The following CYP20A1 variants were observed in gnomAD, a reference collection of about 807,000 sequenced individuals.
CYP20A1 encodes the protein cytochrome P450 20A1.
Under a neutral mutation model 61.4 loss-of-function variants are expected in CYP20A1, and 61 were observed. The ratio of observed to expected loss-of-function variants is 0.99; its 90% CI spans 0.81 to 1.23. CYP20A1 has a LOEUF of 1.23. CYP20A1 is among the 50% of genes most tolerant of loss of function. The pLI, the probability that CYP20A1 is intolerant of heterozygous loss-of-function variation, is 0.00. For missense variants in CYP20A1, 530 were observed against 542.4 expected (o/e 0.98, Z 0.23); for synonymous variants, 193 against 188.2 (o/e 1.03, Z -0.21).
At chr2:203,270,382 T>C (rs183605122) in intron 5 of CYP20A1, among the ~76,000 whole-genome samples, 1 of 152,298 alleles carries the variant, frequency 6.6e-6, no homozygotes, top group East Asian at 1.9e-4. Flanking sequence ...TATCACCATG[T>C]TGCCCAGACT....
intron 11 of CYP20A1, among the ~76,000 whole-genome samples, chr2:203,294,008 G>A (rs1311430475): frequency 6.6e-6 from 1 of 151,870 alleles, no homozygotes; most frequent in Non-Finnish European, 1.5e-5. Context: ...GACAGAGACA[G>A]GGTCATGCTC....
Position 203,305,742 on chromosome 2 carries a change from G to A in CYP20A1, c.*8834G>A, listed in dbSNP as rs1032240826. ...TATGTCATAAAGTCATAAAGTACCTGTCCCCAAAAAGGCAACCAGTAAATA... is the reference window on the plus strand; with the variant it reads ...TATGTCATAAAGTCATAAAGTACCTATCCCCAAAAAGGCAACCAGTAAATA... On this transcript the variant is annotated 3_prime_UTR_variant, in exon 13 of 13. Transcript: ENST00000356079. 2.0e-5 allele frequency: 3 copies of A among 152,104 alleles called. No homozygotes were observed. Among genetic ancestry groups the A allele is most frequent in the Non-Finnish European group, 4.4e-5 (3 of 68,018 alleles). 9.4% of individuals were successfully genotyped at this position (152,104 alleles called of 1,614,324 possible). A position where few individuals can be genotyped will look rare whatever the true frequency, so the allele number is the denominator to read the frequency against.
At chr2:203,253,976 C>T (rs983836613) in intron 4 of CYP20A1, among the ~76,000 whole-genome samples, 2 of 151,804 alleles carry the variant, frequency 1.3e-5, no homozygotes, top group Admixed American at 1.3e-4. Context: ...GATACAGAGT[C>T]TCACTCTGTC....
At chr2:203,240,108 C>T (rs2066201760) in intron 1 of CYP20A1, among the ~76,000 whole-genome samples, 1 of 152,054 alleles carries the variant, frequency 6.6e-6, no homozygotes. Flanking sequence ...AACAAACAAA[C>T]AAACAAACAA....
chr2:203,273,713 G>T (rs926818124), intron 6 of CYP20A1, among the ~76,000 whole-genome samples: 1 of 152,166 alleles, frequency 6.6e-6, no homozygotes, highest in Non-Finnish European at 1.5e-5. Flanking sequence ...GGAGGCTGAG[G>T]TAGGCAGATT....
chr2:203,293,250 C>G (rs2068622613), intron 11 of CYP20A1, among the ~76,000 whole-genome samples: 2 of 122,402 alleles, frequency 1.6e-5, no homozygotes, highest in Admixed American at 1.0e-4. Context: ...GAGTCTCGCT[C>G]TGTCGCCCAG....
chr2:203,295,038 C>T (rs1372488434), intron 11 of CYP20A1, among the ~76,000 whole-genome samples: 4 of 137,408 alleles, frequency 2.9e-5, no homozygotes, highest in Non-Finnish European at 6.1e-5. Context: ...CTGCAAGCTC[C>T]GCCTCCCGGG....
At chr2:203,277,127 T>G (rs2067852745) in intron 6 of CYP20A1, among the ~76,000 whole-genome samples, 1 of 151,864 alleles carries the variant, frequency 6.6e-6, no homozygotes. Context: ...CATGGGCGGA[T>G]CACAAGGTCA....
intron 10 of CYP20A1, 75 bp downstream of exon 10, chr2:203,289,951 T>G: frequency 1.6e-6 from 1 of 611,606 alleles, no homozygotes; most frequent in Non-Finnish European, 2.6e-6. Flanking sequence ...TATATATATA[T>G]ATATTTTAGA....
chr2:203,268,576 T>C (rs1418711389), intron 5 of CYP20A1, among the ~76,000 whole-genome samples: 7 of 152,062 alleles, frequency 4.6e-5, no homozygotes, highest in African/African-American at 7.2e-5. Context: ...ACAGGACTTA[T>C]TCTTCCTCAA....
intron 11 of CYP20A1, among the ~76,000 whole-genome samples, chr2:203,292,708 C>T (rs1311201847): frequency 2.0e-5 from 3 of 152,132 alleles, no homozygotes; most frequent in Admixed American, 6.5e-5. Context: ...ATCCTCCCAC[C>T]TCTGCCTCCC....
At chr2:203,293,495 C>T (rs1363216027) in intron 11 of CYP20A1, among the ~76,000 whole-genome samples, 1 of 120,802 alleles carries the variant, frequency 8.3e-6, no homozygotes, top group Non-Finnish European at 1.7e-5. Flanking sequence ...ATTACAGCCA[C>T]TGCGCCCGGC....
chr2:203,269,334 A>G (rs1330976828), intron 5 of CYP20A1, among the ~76,000 whole-genome samples: 3 of 140,496 alleles, frequency 2.1e-5, no homozygotes, highest in African/African-American at 7.9e-5. Flanking sequence ...GCACGCCTGT[A>G]GTCCCAGCTA....
chr2:203,258,729 G>T (rs2067015100), intron 4 of CYP20A1, among the ~76,000 whole-genome samples: 1 of 152,120 alleles, frequency 6.6e-6, no homozygotes, highest in African/African-American at 2.4e-5. Context: ...TCAAGGTTCT[G>T]TATTGGTTGT....
At chr2:203,276,837 C>G (rs2067841261) in intron 6 of CYP20A1, among the ~76,000 whole-genome samples, 1 of 152,026 alleles carries the variant, frequency 6.6e-6, no homozygotes, top group African/African-American at 2.4e-5. Context: ...GTGCACGGTA[C>G]ATATATTGCA....
intron 11 of CYP20A1, among the ~76,000 whole-genome samples, chr2:203,293,646 G>A (rs1216343915): frequency 6.6e-6 from 1 of 151,454 alleles, no homozygotes; most frequent in Non-Finnish European, 1.5e-5. Context: ...AGATTTTGGT[G>A]CAACCGTCAC....
At position 203,302,624 on chromosome 2, in the gene CYP20A1, A is replaced by G. The variant is rs2069065394; in HGVS notation, c.*5716A>G. On this transcript the variant is annotated 3_prime_UTR_variant, in exon 13 of 13. Coordinates refer to ENST00000356079, the MANE Select transcript of CYP20A1 (RefSeq NM_177538.3). ...TTTGCATTTAACATATTCTGAACCA[A>G]TAGTCTTTTCTACAAGCAGAACATT... 6.6e-6 allele frequency among the ~76,000 whole-genome samples: 1 copy of G among 152,208 alleles called. No homozygotes were observed. Among genetic ancestry groups the G allele is most frequent in the Admixed American group, 6.6e-5 (1 of 15,258 alleles).
Position 203,302,950 on chromosome 2 carries a change from C to T in CYP20A1, c.*6042C>T, listed in dbSNP as rs1409654122. Among the ~76,000 whole-genome samples the T allele has an allele frequency of 6.6e-6, 1 of 152,080 alleles. No homozygotes were observed. Among genetic ancestry groups the T allele is most frequent in the Non-Finnish European group, 1.5e-5 (1 of 68,024 alleles). ...TTGTGATCTGCCCAACTCAGCCTCC[C>T]AGAGTGCTGGGATTACAAGCATGAG... On this transcript the variant is annotated 3_prime_UTR_variant, in exon 13 of 13. Transcript: ENST00000356079.
rs1343486560 is a variant in CYP20A1 at position 203,297,228 on chromosome 2, A to C, written c.*320A>C. 1.1e-5 allele frequency: 2 copies of C among 189,866 alleles called. No homozygotes were observed. The highest frequency in any genetic ancestry group is 4.8e-5 in the African/African-American group (2 of 41,848). 11.8% of individuals were successfully genotyped at this position (189,866 alleles called of 1,614,324 possible). A position where few individuals can be genotyped will look rare whatever the true frequency, so the allele number is the denominator to read the frequency against. ...CTAAAATCAATGTTCTTGAAAAAGA[A>C]ATTATTTTGCAGAAGTTGGGGAATC... On this transcript the variant is annotated 3_prime_UTR_variant, in exon 13 of 13. Coordinates refer to ENST00000356079, the MANE Select transcript of CYP20A1 (RefSeq NM_177538.3).
Sources: gnomAD v4.1 joint callset for allele counts (sites outside exome capture counted in the v4.1 genomes callset) on GRCh38, gnomAD v4.1.1 for gene constraint, MANE v1.5 for transcripts, NCBI Gene and HGNC (gene_info 2026-07-23, HGNC 2026-07-21) for gene names.